The following ASPH variants were observed in gnomAD, a reference collection of about 807,000 sequenced individuals.
ASPH encodes the protein aspartate beta-hydroxylase, also known as aspartyl/asparaginyl beta-hydroxylase.
In ASPH, 100 loss-of-function variants were observed where a neutral mutation model predicts 118.4. The ratio of observed to expected loss-of-function variants is 0.84; its 90% CI spans 0.72 to 1.00. ASPH has a LOEUF of 1.00. Ranked by LOEUF, ASPH falls within the 50% of genes least tolerant of loss-of-function variation. ASPH has a pLI of 0.00. For missense variants in ASPH, 920 were observed against 919.5 expected (o/e 1.00, Z -0.01); for synonymous variants, 315 against 325.6 (o/e 0.97, Z 0.35).
At chr8:61,530,769 C>T (rs868069621) in intron 21 of ASPH, among the ~76,000 whole-genome samples, 183 of 152,124 alleles carry the variant, frequency 1.2e-3, no homozygotes, top group African/African-American at 4.2e-3. Context: ...GAATTGCAGT[C>T]TCTTCTCCAA....
chr8:61,581,212 A>T (rs1477385803), intron 15 of ASPH, among the ~76,000 whole-genome samples: 2 of 152,236 alleles, frequency 1.3e-5, no homozygotes, highest in African/African-American at 4.8e-5. Context: ...TTGGCTGGCA[A>T]AGTAAATGTG....
At chr8:61,561,332 G>A (rs1023882972) in intron 18 of ASPH, among the ~76,000 whole-genome samples, 1 of 152,146 alleles carries the variant, frequency 6.6e-6, no homozygotes, top group Non-Finnish European at 1.5e-5. Flanking sequence ...CAAATGCAAT[G>A]TTCCACATGG....
At chr8:61,662,805 A>G (rs1346355983) in intron 3 of ASPH, 2 of 974,360 alleles carry the variant, frequency 2.1e-6, no homozygotes, top group Non-Finnish European at 2.4e-6. Context: ...GGAAAAATCA[A>G]TGAGATAGCC....
intron 1 of ASPH, among the ~76,000 whole-genome samples, chr8:61,706,286 G>A (rs1836588237): frequency 6.6e-6 from 1 of 151,384 alleles, no homozygotes. Context: ...AGCCAGGCAT[G>A]GTGGTGCATG....
intron 1 of ASPH, among the ~76,000 whole-genome samples, chr8:61,703,389 T>G (rs1046949651): frequency 6.6e-6 from 1 of 152,154 alleles, no homozygotes; most frequent in African/African-American, 2.4e-5. Context: ...AGAATCTATT[T>G]TCTTAAAAAA....
chr8:61,623,682 C>G (rs997258794), intron 13 of ASPH: 4 of 152,084 alleles, frequency 2.6e-5, no homozygotes, highest in African/African-American at 9.7e-5. Context: ...GGTATATATC[C>G]AAAAGAAAAG....
intron 24 of ASPH, 139 bp from the exon 25 acceptor site, chr8:61,503,648 A>C (rs1805364690): frequency 2.6e-6 from 2 of 765,248 alleles, no homozygotes; most frequent in African/African-American, 1.8e-5. Context: ...ATCAAGCCCA[A>C]GTTTATTCTT....
At chr8:61,687,330 T>C (rs1244301294) in intron 1 of ASPH, 1 of 152,166 alleles carries the variant, frequency 6.6e-6, no homozygotes, top group Non-Finnish European at 1.5e-5. Context: ...TTCTAAAAAA[T>C]GAATGCATGC....
At chr8:61,522,422 A>C (rs970525090) in intron 22 of ASPH, among the ~76,000 whole-genome samples, 5 of 151,824 alleles carry the variant, frequency 3.3e-5, no homozygotes, top group Non-Finnish European at 7.4e-5. Flanking sequence ...CTAGGTGGCC[A>C]CCTTCTTCTT....
chr8:61,569,553 T>C (rs999174008), intron 16 of ASPH, among the ~76,000 whole-genome samples: 1 of 151,520 alleles, frequency 6.6e-6, no homozygotes, highest in African/African-American at 2.4e-5. Context: ...TCAGCACAAA[T>C]TGACAAAATA....
intron 16 of ASPH, 164 bp downstream of exon 16, chr8:61,576,608 A>G (rs1835230784): frequency 1.8e-6 from 1 of 550,660 alleles, no homozygotes; most frequent in Non-Finnish European, 3.1e-6. Flanking sequence ...TACTAAATTC[A>G]GCAGCATGCA....
chr8:61,642,909 A>G lies in ASPH; in HGVS notation c.769T>C (p.Tyr257His). Residue 257 changes from tyrosine (Y) to histidine (H), a missense_variant, in exon 10 of 25, where the codon TAC becomes CAC. Coordinates refer to ENST00000379454, the MANE Select transcript of ASPH (RefSeq NM_004318.4). ...AAACCTTGTTCCTCATAGACTTGGT[A>G]TGTTACATCATCTGAAAAAAAAAAG... is the stretch of plus-strand genomic sequence containing the variant. ...RLHHDTDDVT[Y>H]QVYEEQAVYE... The G allele has an allele frequency of 6.4e-7, 1 of 1,558,068 alleles. No homozygotes were observed. Among genetic ancestry groups the G allele is most frequent in the Non-Finnish European group, 8.6e-7 (1 of 1,160,374 alleles).
chr8:61,526,005 G>C lies in ASPH; in HGVS notation c.1872C>G (p.Asp624Glu), dbSNP rs924813573. 1.9e-6 allele frequency: 3 copies of C among 1,613,996 alleles called. No individual in the cohort carries two copies. The African/African-American group carries it at 4.0e-5, about 22-fold the overall frequency. ...PEDENLREKGDWSQFTLWQQG... is the reference protein window; with the variant it reads ...PEDENLREKGEWSQFTLWQQG... ...GCTGCCACAGCGTGAACTGGCTCCA[G>C]TCCCCTTTTTCCCTCAGGTTTTCAT... is the stretch of plus-strand genomic sequence containing the variant. The change falls in exon 22 of 25, where the codon GAC (aspartate) becomes GAG (glutamate). Residue 624 changes from aspartate to glutamate, a missense_variant. Asp to Glu is a conservative substitution (Grantham distance 45, BLOSUM62 2). Coordinates refer to ENST00000379454, the MANE Select transcript of ASPH (RefSeq NM_004318.4).
intron 14 of ASPH, among the ~76,000 whole-genome samples, chr8:61,592,543 C>T (rs1841456200): frequency 6.6e-6 from 1 of 152,166 alleles, no homozygotes; most frequent in African/African-American, 2.4e-5. Context: ...ATATTAAATA[C>T]TGCTTTTGGC....
At position 61,694,201 on chromosome 8, in the gene ASPH, C is replaced by A. The variant is rs145528785; in HGVS notation, c.104-10013G>T. Among the ~76,000 whole-genome samples the A allele has an allele frequency of 2.0e-3, 299 of 152,278 alleles. 1 individual carries two copies. Among genetic ancestry groups the A allele is most frequent in the African/African-American group, 6.7e-3 (279 of 41,536 alleles). On this transcript the variant is annotated intron_variant, in intron 1 of 24. Transcript: ENST00000379454. ...AGTGCCCAATGCCCAGCACACAAAC[C>A]TGCCCTAGCCTGCATCCATTCCGAG...
At chr8:61,533,336 C>T (rs576182093) in intron 21 of ASPH, among the ~76,000 whole-genome samples, 10 of 152,272 alleles carry the variant, frequency 6.6e-5, no homozygotes, top group East Asian at 3.9e-4. Flanking sequence ...TTCCTTTTTA[C>T]AGTATCCCAT....
chr8:61,664,462 C>T (rs1818474327), intron 3 of ASPH: 1 of 984,174 alleles, frequency 1.0e-6, no homozygotes, highest in Non-Finnish European at 1.2e-6. Context: ...CAATTCTCCC[C>T]TTTATTCATG....
intron 21 of ASPH, among the ~76,000 whole-genome samples, chr8:61,539,982 C>T (rs2130394263): frequency 6.6e-6 from 1 of 152,058 alleles, no homozygotes; most frequent in Admixed American, 6.5e-5. Flanking sequence ...GATTTTAATC[C>T]ATTTTTGTTT....
chr8:61,586,560 A>G (rs1317666158), intron 14 of ASPH, among the ~76,000 whole-genome samples: 1 of 151,984 alleles, frequency 6.6e-6, no homozygotes, highest in Non-Finnish European at 1.5e-5. Context: ...TTTAGCACTC[A>G]CTCTGCGCCA....
Sources: gnomAD v4.1 joint callset for allele counts (sites outside exome capture counted in the v4.1 genomes callset) on GRCh38, gnomAD v4.1.1 for gene constraint, MANE v1.5 for transcripts, NCBI Gene and HGNC (gene_info 2026-07-23, HGNC 2026-07-21) for gene names.